Variants in UTF1 observed in about 807,000 individuals in gnomAD.
The protein encoded by UTF1 is undifferentiated embryonic cell transcription factor 1.
UTF1 carries 8 observed loss-of-function variants against 11.8 expected under a neutral mutation model. The observed-to-expected ratio is 0.68, with a 90% confidence interval of 0.40 to 1.23. UTF1 has a LOEUF of 1.23. Ranked by LOEUF, UTF1 falls within the 50% of genes most tolerant of loss-of-function variation. The probability of loss-of-function intolerance (pLI) is 0.01; values close to 1 mark genes in which losing one functional copy is unlikely to be tolerated. For synonymous variants in UTF1, 344 were observed against 271.7 expected, an observed-to-expected ratio of 1.27 and a Z score of -2.62; for missense variants, 545 against 542.1, an observed-to-expected ratio of 1.01 and a Z score of -0.05.
chr10:133,231,094 G>A lies in UTF1; in HGVS notation c.678G>A (p.Pro226=). 1.2e-6 allele frequency: 1 copy of A among 850,604 alleles called. No homozygotes were observed. The highest frequency in any genetic ancestry group is 1.5e-6 in the Non-Finnish European group (1 of 689,618). 52.7% of individuals were successfully genotyped at this position (850,604 alleles called of 1,614,324 possible). A position where few individuals can be genotyped will look rare whatever the true frequency, so the allele number is the denominator to read the frequency against. Residue 226 remains proline, a synonymous_variant, in exon 2 of 2, where the codon CCG becomes CCA. Coordinates refer to ENST00000304477, the MANE Select transcript of UTF1 (RefSeq NM_003577.3). ...PAPGSPPAPA[P]TALATCIPED... is the part of the protein sequence containing the mutation. ...CCGGCTCCCCGCCAGCTCCCGCCCC[G>A]ACCGCCCTCGCCACCTGCATCCCCG...
In UTF1 at chr10:133,230,962, C is replaced by T; in HGVS notation, c.551-5C>T. 1.5e-6 allele frequency: 2 copies of T among 1,306,688 alleles called. No individual in the cohort carries two copies. The highest frequency in any genetic ancestry group is 1.9e-6 in the Non-Finnish European group (2 of 1,032,168). 80.9% of individuals were successfully genotyped at this position (1,306,688 alleles called of 1,614,324 possible). On this transcript the variant is annotated splice_region_variant and splice_polypyrimidine_tract_variant and intron_variant, in intron 1 of 1. Transcript: ENST00000304477. ...TCCGCCCGACCGCCTGCTCCGCGTT[C>T]CCAGACGCCACCCCGCTGCCCACCG...
rs1206697130 is a variant in UTF1, at chr10:133,231,107, A to G, written c.691A>G (p.Thr231Ala). The stretch of plus-strand genomic sequence containing the variant: ...AGCTCCCGCCCCGACCGCCCTCGCC[A>G]CCTGCATCCCCGAGGACCGCGCGCC... ...PPAPAPTALATCIPEDRAPVR... is the reference protein window; with the variant it reads ...PPAPAPTALAACIPEDRAPVR... Residue 231 changes from threonine (T) to alanine (A), a missense_variant, in exon 2 of 2, where the codon ACC becomes GCC. Coordinates refer to ENST00000304477, the MANE Select transcript of UTF1 (RefSeq NM_003577.3). The G allele has an allele frequency of 1.5e-5, 17 of 1,113,342 alleles. No individual in the cohort carries two copies. Among genetic ancestry groups the G allele is most frequent in the Non-Finnish European group, 1.7e-5 (16 of 922,452 alleles). The allele number at this position is 1,113,342 out of a possible 1,614,324, so 69.0% of individuals were successfully genotyped here. A position where few individuals can be genotyped will look rare whatever the true frequency, so the allele number is the denominator to read the frequency against.
rs1845800662 is a variant in UTF1, at chr10:133,231,540, A to G, written c.*98A>G. ...CCCCCGTTCTTGGGTATGTTCAATA[A>G]AAGGATTGTTTTCCTAGAGTCCGGG... On this transcript the variant is annotated 3_prime_UTR_variant, in exon 2 of 2. Transcript: ENST00000304477. 1 of 1,034,288 alleles carries G rather than the reference A, an allele frequency of 9.7e-7. No individual in the cohort carries two copies. Among genetic ancestry groups the G allele is most frequent in the East Asian group, 3.0e-5 (1 of 33,380 alleles). 64.1% of individuals were successfully genotyped at this position (1,034,288 alleles called of 1,614,324 possible).
rs1845792687 is a variant in UTF1, at chr10:133,231,052, G to C, written c.636G>C (p.Ala212=). ...TCAGCCCGTCCCCACCGAAGTCTGC[G>C]GACGCCTCCCCCGCCCCCGGCTCCC... ...LRFSPSPPKS[A]DASPAPGSPP... The change falls in exon 2 of 2, where the codon GCG becomes GCC. Residue 212 remains alanine (A), a synonymous_variant. Coordinates refer to ENST00000304477, the MANE Select transcript of UTF1 (RefSeq NM_003577.3). 1.5e-6 allele frequency: 2 copies of C among 1,309,362 alleles called. No homozygotes were observed. Among genetic ancestry groups the C allele is most frequent in the East Asian group, 6.4e-5 (2 of 31,340 alleles). The allele number at this position is 1,309,362 out of a possible 1,614,324, so 81.1% of individuals were successfully genotyped here. A position where few individuals can be genotyped will look rare whatever the true frequency, so the allele number is the denominator to read the frequency against.
Position 133,231,195 on chromosome 10 carries a change from G to T in UTF1, c.779G>T (p.Gly260Val). The change falls in exon 2 of 2, where the codon GGC becomes GTC. Residue 260 changes from glycine (G) to valine (V), a missense_variant. This residue lies in a region of UTF1 where 394 missense variants were observed against 341.5 expected (regional missense o/e 1.15). Transcript: ENST00000304477. ...PAREDPDSPP[G>V]RPEDCAPPPA... ...CGCGAAGACCCCGACTCGCCGCCCG[G>T]CCGCCCCGAGGACTGCGCGCCCCCT... 1 of 1,414,882 alleles carries T rather than the reference G, an allele frequency of 7.1e-7. No individual in the cohort carries two copies. The highest frequency in any genetic ancestry group is 9.2e-7 in the Non-Finnish European group (1 of 1,088,944). 87.6% of individuals were successfully genotyped at this position (1,414,882 alleles called of 1,614,324 possible).
rs1244277886 is a variant in UTF1, at chr10:133,231,166, G to T, written c.750G>T (p.Pro250=). The T allele has an allele frequency of 1.6e-6, 2 of 1,247,188 alleles. No homozygotes were observed. Among genetic ancestry groups the T allele is most frequent in the Admixed American group, 9.4e-5 (2 of 21,322 alleles). The allele number at this position is 1,247,188 out of a possible 1,614,324, so 77.3% of individuals were successfully genotyped here. ...VRGPGSPPPP[P]AREDPDSPPG... is the part of the protein sequence containing the mutation. ...GCCCCGGGTCCCCGCCGCCACCCCCGGCCCGCGAAGACCCCGACTCGCCGC... is the reference window on the plus strand; with the variant it reads ...GCCCCGGGTCCCCGCCGCCACCCCCTGCCCGCGAAGACCCCGACTCGCCGC... The change falls in exon 2 of 2, where the codon CCG becomes CCT. Residue 250 remains proline (P), a synonymous_variant. Transcript: ENST00000304477.
chr10:133,230,775 G>C lies in UTF1; in HGVS notation c.487G>C (p.Gly163Arg), dbSNP rs564291939. 3 of 1,355,724 alleles carry C rather than the reference G, an allele frequency of 2.2e-6. No homozygotes were observed. The highest frequency in any genetic ancestry group is 1.8e-5 in the South Asian group (1 of 56,456). 84.0% of individuals were successfully genotyped at this position (1,355,724 alleles called of 1,614,324 possible). Residue 163 changes from glycine to arginine, a missense_variant, in exon 1 of 2, where the codon GGG becomes CGG. Gly to Arg is a moderately radical substitution (Grantham distance 125). Transcript: ENST00000304477. Reference protein sequence around the residue: ...KRPRRRSPGSGRPQRARRPVP... With the variant: ...KRPRRRSPGSRRPQRARRPVP... ...GCCTCGCCGCCGCTCCCCGGGGTCC[G>C]GGCGCCCCCAGCGCGCCCGCCGCCC...
rs1173647424 is a variant in UTF1 at position 133,230,976 on chromosome 10, C to T, written c.560C>T (p.Pro187Leu). The T allele has an allele frequency of 2.3e-6, 3 of 1,323,538 alleles. No individual in the cohort carries two copies. The highest frequency in any genetic ancestry group is 2.0e-5 in the South Asian group (1 of 50,964). 82.0% of individuals were successfully genotyped at this position (1,323,538 alleles called of 1,614,324 possible). A position where few individuals can be genotyped will look rare whatever the true frequency, so the allele number is the denominator to read the frequency against. ...APAPSEPDAT[P>L]LPTARDRDAD... Reference sequence around the variant, plus strand: ...TGCTCCGCGTTCCCAGACGCCACCCCGCTGCCCACCGCCCGCGACCGCGAC... The same window carrying T: ...TGCTCCGCGTTCCCAGACGCCACCCTGCTGCCCACCGCCCGCGACCGCGAC... Residue 187 changes from proline to leucine, a missense_variant, in exon 2 of 2, where the codon CCG (proline) becomes CTG (leucine). Around this residue, in one of 3 missense-constraint regions of UTF1, gnomAD observed 394 missense variants for 341.5 expected, o/e 1.15. Transcript: ENST00000304477.
At chr10:133,230,901 G>T in intron 1 of UTF1, 63 bp downstream of exon 1, 1 of 1,281,468 alleles carries the variant, frequency 7.8e-7, no homozygotes, top group Non-Finnish European at 9.8e-7. Flanking sequence ...GGGCTGCCGA[G>T]GGCTGCGGGG....
chr10:133,231,200 C>G lies in UTF1; in HGVS notation c.784C>G (p.Pro262Ala). 2 of 1,492,874 alleles carry G rather than the reference C, an allele frequency of 1.3e-6. No homozygotes were observed. Among genetic ancestry groups the G allele is most frequent in the Non-Finnish European group, 1.8e-6 (2 of 1,129,000 alleles). The allele number at this position is 1,492,874 out of a possible 1,614,324, so 92.5% of individuals were successfully genotyped here. A position where few individuals can be genotyped will look rare whatever the true frequency, so the allele number is the denominator to read the frequency against. ...REDPDSPPGR[P>A]EDCAPPPAAP... ...AGACCCCGACTCGCCGCCCGGCCGC[C>G]CCGAGGACTGCGCGCCCCCTCCGGC... is the stretch of plus-strand genomic sequence containing the variant. The change falls in exon 2 of 2, where the codon CCC (proline) becomes GCC (alanine). Residue 262 changes from proline (P) to alanine (A), a missense_variant. By Grantham distance (27) the Pro-to-Ala change is conservative (BLOSUM62 -1). Around this residue, in one of 3 missense-constraint regions of UTF1, gnomAD observed 394 missense variants for 341.5 expected, o/e 1.15. Coordinates refer to ENST00000304477, the MANE Select transcript of UTF1 (RefSeq NM_003577.3).
chr10:133,231,417 G>A lies in UTF1; in HGVS notation c.1001G>A (p.Gly334Glu), dbSNP rs961428950. The change falls in exon 2 of 2, where the codon GGG becomes GAG. Residue 334 changes from glycine to glutamate, a missense_variant. Physicochemically the swap from Gly to Glu is moderately conservative, Grantham distance 98 (BLOSUM62 -2). Transcript: ENST00000304477. ...CTGGGCAGCGCGGCCGCCGAGCGAG[G>A]GGTCCTCAGGGACCCGTGCCAGTGA... ...FILGSAAAER[G>E]VLRDPCQ 1.0e-5 allele frequency: 16 copies of A among 1,527,278 alleles called. No individual in the cohort carries two copies. Among genetic ancestry groups the A allele is most frequent in the Non-Finnish European group, 1.4e-5 (16 of 1,142,048 alleles). The allele number at this position is 1,527,278 out of a possible 1,614,324, so 94.6% of individuals were successfully genotyped here.
rs561988289 is a variant in UTF1, at chr10:133,230,573, C to T, written c.285C>T (p.Tyr95=). 1.4e-6 allele frequency: 2 copies of T among 1,408,926 alleles called. No homozygotes were observed. The highest frequency in any genetic ancestry group is 1.5e-5 in the African/African-American group (1 of 66,484). The allele number at this position is 1,408,926 out of a possible 1,614,324, so 87.3% of individuals were successfully genotyped here. The stretch of plus-strand genomic sequence containing the variant: ...ACCGCCGCCAGGCCCTGCCCACCTA[C>T]CGCCGCGTGTCGGCCGCGCTGGCCC... The part of the protein sequence containing the change: ...LLDRRQALPT[Y]RRVSAALAQQ... Residue 95 remains tyrosine, a synonymous_variant, in exon 1 of 2, where the codon TAC becomes TAT. Coordinates refer to ENST00000304477, the MANE Select transcript of UTF1 (RefSeq NM_003577.3).
chr10:133,230,919 G>A (rs1845791213), intron 1 of UTF1, 48 bp from the exon 2 acceptor site: 3 of 1,287,686 alleles, frequency 2.3e-6, no homozygotes, highest in Non-Finnish European at 2.9e-6. Flanking sequence ...GGGGAGGGGC[G>A]GGCGCGCCCC....
chr10:133,231,501 CT>C lies in UTF1; in HGVS notation c.*60del. On this transcript the variant is annotated 3_prime_UTR_variant, in exon 2 of 2. Coordinates refer to ENST00000304477, the MANE Select transcript of UTF1 (RefSeq NM_003577.3). ...CGAGGCCCCTCCGCCCTGACCCCTC[CT>C]GCTGCCTTCCCACCCCCGTTCTTGG... The C allele has an allele frequency of 7.8e-7, 1 of 1,286,822 alleles. No homozygotes were observed. The highest frequency in any genetic ancestry group is 1.0e-6 in the Non-Finnish European group (1 of 981,442). The allele number at this position is 1,286,822 out of a possible 1,614,324, so 79.7% of individuals were successfully genotyped here.
At chr10:133,230,879 C>T in intron 1 of UTF1, 41 bp downstream of exon 1, 2 of 1,280,692 alleles carry the variant, frequency 1.6e-6, no homozygotes, top group Non-Finnish European at 2.0e-6. Flanking sequence ...CCGAGGACTG[C>T]GGAGGAACCG....
At chr10:133,230,911 G>C in intron 1 of UTF1, 56 bp from the exon 2 acceptor site, 2 of 1,284,294 alleles carry the variant, frequency 1.6e-6, no homozygotes, top group Non-Finnish European at 2.0e-6. Context: ...GGGCTGCGGG[G>C]GAGGGGCGGG....
Position 133,230,365 on chromosome 10 carries a change from C to T in UTF1, c.77C>T (p.Pro26Leu). The change falls in exon 1 of 2, where the codon CCG becomes CTG. Residue 26 changes from proline (P) to leucine (L), a missense_variant. Pro to Leu is a moderately conservative substitution (Grantham distance 98). Around this residue, in one of 3 missense-constraint regions of UTF1, gnomAD observed 129 missense variants for 148.5 expected, o/e 0.87. Coordinates refer to ENST00000304477, the MANE Select transcript of UTF1 (RefSeq NM_003577.3). ...PPSPASPDPE[P>L]RTPGDAPGTP... ...TCGCCCGCCAGCCCCGACCCCGAGC[C>T]GCGGACACCCGGAGACGCCCCGGGG... 8.3e-7 allele frequency: 1 copy of T among 1,208,118 alleles called. No individual in the cohort carries two copies. Among genetic ancestry groups the T allele is most frequent in the Non-Finnish European group, 1.0e-6 (1 of 972,762 alleles). The allele number at this position is 1,208,118 out of a possible 1,614,324, so 74.8% of individuals were successfully genotyped here.
In UTF1 at chr10:133,230,369, G is replaced by T. The variant is rs1845780465; in HGVS notation, c.81G>T (p.Arg27=). ...CCGCCAGCCCCGACCCCGAGCCGCG[G>T]ACACCCGGAGACGCCCCGGGGACCC... ...PSPASPDPEP[R]TPGDAPGTPP... Residue 27 remains arginine, a synonymous_variant, in exon 1 of 2, where the codon CGG becomes CGT. Coordinates refer to ENST00000304477, the MANE Select transcript of UTF1 (RefSeq NM_003577.3). The T allele has an allele frequency of 4.9e-6, 6 of 1,216,198 alleles. No homozygotes were observed. Among genetic ancestry groups the T allele is most frequent in the East Asian group, 7.5e-5 (2 of 26,704 alleles). The allele number at this position is 1,216,198 out of a possible 1,614,324, so 75.3% of individuals were successfully genotyped here. A position where few individuals can be genotyped will look rare whatever the true frequency, so the allele number is the denominator to read the frequency against.
At position 133,231,376 on chromosome 10, in the gene UTF1, G is replaced by A. The variant is rs774961317; in HGVS notation, c.960G>A (p.Leu320=). 19 of 1,592,684 alleles carry A rather than the reference G, an allele frequency of 1.2e-5. No homozygotes were observed. The highest frequency in any genetic ancestry group is 8.5e-5 in the Admixed American group (5 of 58,974). The part of the protein sequence containing the change: ...LRGAFDQTVS[L]AVGFILGSAA... ...GCGCCTTCGACCAGACAGTGTCCCT[G>A]GCCGTGGGCTTCATTCTGGGCAGCG... The change falls in exon 2 of 2, where the codon CTG becomes CTA. Residue 320 remains leucine (L), a synonymous_variant. Coordinates refer to ENST00000304477, the MANE Select transcript of UTF1 (RefSeq NM_003577.3).
Sources: gnomAD v4.1 joint callset for allele counts on GRCh38, gnomAD v4.1.1 for gene constraint, gnomAD v4.1.1 regional missense constraint, MANE v1.5 for transcripts, NCBI Gene and HGNC (gene_info 2026-07-23, HGNC 2026-07-21) for gene names.